The following SPINK4 variants were observed in gnomAD, a reference collection of about 807,000 sequenced individuals.
SPINK4 encodes the protein serine protease inhibitor Kazal-type 4.
Under a neutral mutation model 12.3 loss-of-function variants are expected in SPINK4, and 10 were observed. The ratio of observed to expected loss-of-function variants is 0.81; its 90% CI spans 0.50 to 1.37. The LOEUF (loss-of-function observed/expected upper bound fraction) is 1.37. SPINK4 is among the 40% of genes most tolerant of loss of function. The pLI, the probability that SPINK4 is intolerant of heterozygous loss-of-function variation, is 0.00. For synonymous variants in SPINK4, 37 were observed against 40.2 expected, an observed-to-expected ratio of 0.92 and a Z score of 0.30; for missense variants, 91 against 109.0, an observed-to-expected ratio of 0.84 and a Z score of 0.73.
Position 33,248,485 on chromosome 9 carries a change from C to T in SPINK4, c.*14C>T, listed in dbSNP as rs1244121435. 1 of 1,613,884 alleles carries T rather than the reference C, an allele frequency of 6.2e-7. No homozygotes were observed. The highest frequency in any genetic ancestry group is 1.7e-5 in the Admixed American group (1 of 60,016). ...GGCAAATGCTGATCCCACAGGAGCA[C>T]CTCAAGCCATGAAGTGTCAGCTGGA... is the stretch of plus-strand genomic sequence containing the variant. On this transcript the variant is annotated 3_prime_UTR_variant, in exon 4 of 4. Coordinates refer to ENST00000379721, the MANE Select transcript of SPINK4 (RefSeq NM_014471.3).
At chr9:33,245,467 T>C (rs557380353) in intron 2 of SPINK4, among the ~76,000 whole-genome samples, 6 of 152,276 alleles carry the variant, frequency 3.9e-5, no homozygotes, top group African/African-American at 1.4e-4. Context: ...CTGCTCTGTA[T>C]AGTGCAGACA....
chr9:33,248,546 A>G lies in SPINK4; in HGVS notation c.*75A>G. The G allele has an allele frequency of 6.4e-7, 1 of 1,569,496 alleles. No homozygotes were observed. On this transcript the variant is annotated 3_prime_UTR_variant, in exon 4 of 4. Transcript: ENST00000379721. ...GGGCATGGAGAGGATATGACATGAA[A>G]TAAAAGATCCAGCCCAACTGAGTGA...
chr9:33,248,328 A>G (rs977256227), intron 3 of SPINK4, 98 bp from the exon 4 acceptor site: 7 of 1,286,202 alleles, frequency 5.4e-6, no homozygotes, highest in Non-Finnish European at 7.8e-6. Context: ...TATGTGGGCG[A>G]CGCTCAGCAG....
rs1182526311 is a variant in SPINK4 at position 33,245,116 on chromosome 9, G to T, written c.66G>T (p.Val22=). 6.2e-7 allele frequency: 1 copy of T among 1,613,784 alleles called. No homozygotes were observed. The highest frequency in any genetic ancestry group is 8.5e-7 in the Non-Finnish European group (1 of 1,179,848). ...TCTTGCTTCTTTGTGTTTCAGAAGTGCCAGTGGCAGCAGGAAAGCTCCCTT... is the reference window on the plus strand; with the variant it reads ...TCTTGCTTCTTTGTGTTTCAGAAGTTCCAGTGGCAGCAGGAAAGCTCCCTT... ...LAALLVVDRE[V]PVAAGKLPFS... Residue 22 remains valine, a synonymous_variant, in exon 2 of 4, where the codon GTG becomes GTT. Transcript: ENST00000379721.
chr9:33,248,477 C>T lies in SPINK4; in HGVS notation c.*6C>T. 1 of 1,614,028 alleles carries T rather than the reference C, an allele frequency of 6.2e-7. No homozygotes were observed. Among genetic ancestry groups the T allele is most frequent in the Non-Finnish European group, 8.5e-7 (1 of 1,180,022 alleles). On this transcript the variant is annotated 3_prime_UTR_variant, in exon 4 of 4. Transcript: ENST00000379721. Reference sequence around the variant, plus strand: ...TGAAAGATGGCAAATGCTGATCCCACAGGAGCACCTCAAGCCATGAAGTGT... The same window carrying T: ...TGAAAGATGGCAAATGCTGATCCCATAGGAGCACCTCAAGCCATGAAGTGT...
In SPINK4 at chr9:33,245,092, C is replaced by A; in HGVS notation, c.62-20C>A. 1 of 1,612,946 alleles carries A rather than the reference C, an allele frequency of 6.2e-7. No individual in the cohort carries two copies. Among genetic ancestry groups the A allele is most frequent in the South Asian group, 1.1e-5 (1 of 90,926 alleles). ...GGTCTAGAGCCGGCATAATCTAATT[C>A]TTGCTTCTTTGTGTTTCAGAAGTGC... On this transcript the variant is annotated intron_variant, in intron 1 of 3. Transcript: ENST00000379721.
chr9:33,242,030 C>T (rs1820240658), intron 1 of SPINK4, among the ~76,000 whole-genome samples: 1 of 152,152 alleles, frequency 6.6e-6, no homozygotes, highest in African/African-American at 2.4e-5. Flanking sequence ...CAGGCACATG[C>T]CACCACACCC....
rs574064392 is a variant in SPINK4, at chr9:33,246,119, T to C, written c.103-497T>C. ...CCATTTCTTCAGCCTTCGCACACTT[T>C]GCAGCCTTTCTGACATGGGCCTGAT... On this transcript the variant is annotated intron_variant, in intron 2 of 3. Transcript: ENST00000379721. 2.6e-5 allele frequency among the ~76,000 whole-genome samples: 4 copies of C among 152,286 alleles called. No homozygotes were observed. The East Asian group carries it at 7.7e-4, about 29-fold the overall frequency.
intron 3 of SPINK4, among the ~76,000 whole-genome samples, chr9:33,247,302 C>A (rs897132119): frequency 6.6e-6 from 1 of 151,512 alleles, no homozygotes; most frequent in Non-Finnish European, 1.5e-5. Context: ...GGATTACAGG[C>A]GCCCACCACC....
intron 2 of SPINK4, 105 bp from the exon 3 acceptor site, chr9:33,246,511 G>T: frequency 1.2e-6 from 1 of 855,966 alleles, no homozygotes. Flanking sequence ...GGGCCTTCTT[G>T]ACTCTGATAC....
At position 33,245,121 on chromosome 9, in the gene SPINK4, T is replaced by C. The variant is rs1401380059; in HGVS notation, c.71T>C (p.Val24Ala). The C allele has an allele frequency of 9.3e-6, 15 of 1,613,878 alleles. No homozygotes were observed. Among genetic ancestry groups the C allele is most frequent in the Non-Finnish European group, 1.3e-5 (15 of 1,179,862 alleles). Reference protein sequence around the residue: ...ALLVVDREVPVAAGKLPFSRM... With the variant: ...ALLVVDREVPAAAGKLPFSRM... ...CTTCTTTGTGTTTCAGAAGTGCCAG[T>C]GGCAGCAGGAAAGCTCCCTTTCTCA... The change falls in exon 2 of 4, where the codon GTG (valine) becomes GCG (alanine). Residue 24 changes from valine (V) to alanine (A), a missense_variant. Transcript: ENST00000379721.
At chr9:33,247,453 C>A (rs977786150) in intron 3 of SPINK4, among the ~76,000 whole-genome samples, 1 of 152,002 alleles carries the variant, frequency 6.6e-6, no homozygotes, top group Non-Finnish European at 1.5e-5. Context: ...CAGGCATGAG[C>A]CACCGTGCCC....
intron 1 of SPINK4, among the ~76,000 whole-genome samples, chr9:33,241,898 A>G (rs977892727): frequency 6.6e-6 from 1 of 151,562 alleles, no homozygotes; most frequent in Non-Finnish European, 1.5e-5. Context: ...TTTTTTTTTC[A>G]AGACAGAGTC....
At chr9:33,247,513 T>C (rs1820298716) in intron 3 of SPINK4, among the ~76,000 whole-genome samples, 1 of 151,878 alleles carries the variant, frequency 6.6e-6, no homozygotes, top group South Asian at 2.1e-4. Flanking sequence ...CAGGAATAAG[T>C]AGAAATTAGC....
chr9:33,246,559 T>G (rs548851203), intron 2 of SPINK4, 57 bp from the exon 3 acceptor site: 1 of 1,481,716 alleles, frequency 6.7e-7, no homozygotes, highest in Non-Finnish European at 9.4e-7. Flanking sequence ...AGAACCCCTG[T>G]ATCCCTCCCC....
intron 1 of SPINK4, among the ~76,000 whole-genome samples, chr9:33,243,066 T>TTTA (rs1468732565): frequency 1.7e-4 from 25 of 151,460 alleles, no homozygotes; most frequent in African/African-American, 2.4e-4. Flanking sequence ...TTAAATTTAT[T>TTTA]TTTATTTATT....
intron 1 of SPINK4, among the ~76,000 whole-genome samples, chr9:33,242,988 A>ATC (rs2117874266): frequency 6.6e-6 from 1 of 151,568 alleles, no homozygotes; most frequent in East Asian, 1.9e-4. Flanking sequence ...CGATCCTCCT[A>ATC]TCTCAGCCTC....
intron 3 of SPINK4, 36 bp from the exon 4 acceptor site, chr9:33,248,390 A>C: frequency 6.2e-7 from 1 of 1,613,092 alleles, no homozygotes; most frequent in Non-Finnish European, 8.5e-7. Context: ...ACAGCTCCTG[A>C]GAAGGTAGCC....
rs201412881 is a variant in SPINK4 at position 33,240,275 on chromosome 9, T to C, written c.61+6T>C. 2.4e-5 allele frequency: 38 copies of C among 1,597,254 alleles called. No individual in the cohort carries two copies. In the African/African-American group the frequency reaches 3.9e-4, roughly 17 times the overall value. On this transcript the variant is annotated splice_donor_region_variant and intron_variant, in intron 1 of 3. Coordinates refer to ENST00000379721, the MANE Select transcript of SPINK4 (RefSeq NM_014471.3). ...CCTCCTTGTTGTGGACAGGGGTGAG[T>C]GGGCAGAACCTGGATTCTCTGTGGC...
Sources: allele counts gnomAD v4.1 joint callset (sites outside exome capture counted in the v4.1 genomes callset), GRCh38; gene constraint gnomAD v4.1.1; transcripts MANE v1.5; gene names NCBI Gene and HGNC (gene_info 2026-07-23, HGNC 2026-07-21).